BBS9: variants seen among roughly 807,000 people sequenced by gnomAD.
The protein encoded by BBS9 is protein PTHB1.
In BBS9, 89 loss-of-function variants were observed where a neutral mutation model predicts 117.7. The ratio of observed to expected loss-of-function variants is 0.76; its 90% CI spans 0.64 to 0.90. The LOEUF (loss-of-function observed/expected upper bound fraction) is 0.90. Ranked by LOEUF, BBS9 falls within the 40% of genes least tolerant of loss-of-function variation. BBS9 has a pLI of 0.00. For missense variants in BBS9, 982 were observed against 1,042.2 expected (o/e 0.94, Z 0.80); for synonymous variants, 379 against 370.9 (o/e 1.02, Z -0.25).
chr7:33,284,851 C>T (rs1210786446), intron 9 of BBS9, among the ~76,000 whole-genome samples: 1 of 152,066 alleles, frequency 6.6e-6, no homozygotes, highest in African/African-American at 2.4e-5. Context: ...TTTTTTTAGT[C>T]TGCTGAGGTA....
At chr7:33,192,813 A>G (rs533135135) in intron 5 of BBS9, among the ~76,000 whole-genome samples, 35 of 152,342 alleles carry the variant, frequency 2.3e-4, no homozygotes, top group African/African-American at 8.4e-4. Context: ...GTGTCCTCAC[A>G]TGGCAGAAGA....
chr7:33,145,895 C>T (rs1178331729), intron 1 of BBS9, among the ~76,000 whole-genome samples: 1 of 152,206 alleles, frequency 6.6e-6, no homozygotes, highest in Non-Finnish European at 1.5e-5. Flanking sequence ...TTAGGTATTT[C>T]ACTGAAGACT....
intron 19 of BBS9, among the ~76,000 whole-genome samples, chr7:33,458,365 A>T (rs1054418797): frequency 1.3e-5 from 2 of 152,144 alleles, no homozygotes; most frequent in Admixed American, 6.5e-5. Context: ...CTGTTTGTTC[A>T]TTTGTTCCAT....
intron 21 of BBS9, among the ~76,000 whole-genome samples, chr7:33,598,506 G>A (rs1208571903): frequency 2.6e-5 from 4 of 152,148 alleles, no homozygotes; most frequent in African/African-American, 9.7e-5. Flanking sequence ...GTGGACTTTA[G>A]TTAATAATAA....
At chr7:33,260,944 A>G (rs1797887542) in intron 6 of BBS9, among the ~76,000 whole-genome samples, 1 of 152,234 alleles carries the variant, frequency 6.6e-6, no homozygotes, top group Non-Finnish European at 1.5e-5. Context: ...ATAAATATTT[A>G]AAAGTGTTTC....
chr7:33,132,167 T>C (rs1789712315), intron 1 of BBS9, among the ~76,000 whole-genome samples: 1 of 152,222 alleles, frequency 6.6e-6, no homozygotes, highest in African/African-American at 2.4e-5. Flanking sequence ...TGAATAGAGC[T>C]ATTGCTTTTA....
At chr7:33,516,860 A>G (rs985867325) in intron 20 of BBS9, among the ~76,000 whole-genome samples, 3 of 152,272 alleles carry the variant, frequency 2.0e-5, no homozygotes, top group African/African-American at 4.8e-5. Flanking sequence ...TGAGAACCGA[A>G]TGAACACAGA....
chr7:33,188,000 A>T (rs991873359), intron 5 of BBS9, among the ~76,000 whole-genome samples: 15 of 151,844 alleles, frequency 9.9e-5, no homozygotes, highest in Non-Finnish European at 7.4e-5. Context: ...TAACTATAAA[A>T]TAATGAGGCA....
chr7:33,361,606 A>G (rs566674148), intron 16 of BBS9, among the ~76,000 whole-genome samples: 2 of 152,148 alleles, frequency 1.3e-5, no homozygotes, highest in African/African-American at 2.4e-5. Flanking sequence ...TTTTGATATT[A>G]TTAGGTAAAA....
At chr7:33,480,026 T>C (rs1842317466) in intron 19 of BBS9, among the ~76,000 whole-genome samples, 1 of 152,170 alleles carries the variant, frequency 6.6e-6, no homozygotes, top group Non-Finnish European at 1.5e-5. Context: ...TTTCAGAACA[T>C]TGGGTATCAA....
intron 5 of BBS9, among the ~76,000 whole-genome samples, chr7:33,241,742 TTAA>T: frequency 6.6e-6 from 1 of 152,232 alleles, no homozygotes; most frequent in South Asian, 2.1e-4. Flanking sequence ...TTGTTCACTC[TTAA>T]TTATTATATT....
At chr7:33,620,131 T>A (rs966228082) in intron 21 of BBS9, among the ~76,000 whole-genome samples, 1 of 151,800 alleles carries the variant, frequency 6.6e-6, no homozygotes, top group African/African-American at 2.4e-5. Flanking sequence ...AATAAAATTA[T>A]AAATGGAGGA....
At chr7:33,427,043 G>T (rs1833762435) in intron 19 of BBS9, among the ~76,000 whole-genome samples, 2 of 152,118 alleles carry the variant, frequency 1.3e-5, no homozygotes, top group Admixed American at 1.3e-4. Flanking sequence ...CATTATAAAA[G>T]ATTTGGGTTC....
chr7:33,494,783 T>TG (rs778458100), intron 19 of BBS9, among the ~76,000 whole-genome samples: 6 of 152,202 alleles, frequency 3.9e-5, no homozygotes, highest in Non-Finnish European at 8.8e-5. Flanking sequence ...GTCTCTGACC[T>TG]GGGGGAGTTT....
At chr7:33,133,036 C>T (rs561041418) in intron 1 of BBS9, among the ~76,000 whole-genome samples, 10 of 152,106 alleles carry the variant, frequency 6.6e-5, no homozygotes, top group East Asian at 3.9e-4. Flanking sequence ...GTGATCAATC[C>T]GCCTTGGCCT....
At chr7:33,509,582 G>A (rs560088790) in intron 20 of BBS9, among the ~76,000 whole-genome samples, 5 of 152,294 alleles carry the variant, frequency 3.3e-5, no homozygotes, top group Middle Eastern at 6.8e-3. Context: ...TAGACATGTG[G>A]ACGACATTTT....
intron 6 of BBS9, 118 bp downstream of exon 6, chr7:33,257,528 A>T: frequency 1.1e-6 from 1 of 935,262 alleles, no homozygotes. Flanking sequence ...TTTCTTTGAA[A>T]ATATGTGATT....
At chr7:33,343,394 A>C (rs1179301507) in intron 11 of BBS9, among the ~76,000 whole-genome samples, 1 of 152,196 alleles carries the variant, frequency 6.6e-6, no homozygotes, top group Non-Finnish European at 1.5e-5. Context: ...AAGAGGAAGG[A>C]GCAGGTAACA....
At chr7:33,231,113 G>T (rs1422447188) in intron 5 of BBS9, among the ~76,000 whole-genome samples, 1 of 152,014 alleles carries the variant, frequency 6.6e-6, no homozygotes, top group East Asian at 1.9e-4. Flanking sequence ...ATTGATTTTT[G>T]TGTATAGTGT....
Sources: allele counts gnomAD v4.1 joint callset (sites outside exome capture counted in the v4.1 genomes callset), GRCh38; gene constraint gnomAD v4.1.1; transcripts MANE v1.5; gene names NCBI Gene and HGNC (gene_info 2026-07-23, HGNC 2026-07-21).